CLCN2: variants seen among roughly 807,000 people sequenced by gnomAD.
The protein encoded by CLCN2 is chloride channel protein 2.
A neutral mutation model predicts 108.3 loss-of-function variants in CLCN2; 72 were observed. That is an observed-to-expected ratio of 0.66 (90% CI 0.55 to 0.81). The LOEUF (loss-of-function observed/expected upper bound fraction) is 0.81. Among genes scored for constraint, CLCN2 ranks in the 30% least tolerant of loss-of-function variants. CLCN2 has a pLI of 0.00. For synonymous variants in CLCN2, 471 were observed against 467.1 expected (o/e 1.01, Z -0.11); for missense variants, 1,048 against 1,205.2 (o/e 0.87, Z 1.93).
At chr3:184,356,929 C>G (rs1728594329) in intron 10 of CLCN2, 64 bp downstream of exon 10, 4 of 1,150,768 alleles carry the variant, frequency 3.5e-6, no homozygotes, top group Non-Finnish European at 5.2e-6. Context: ...CATCACTGTC[C>G]CCTGACCTAC....
chr3:184,356,345 A>T (rs9873702), intron 10 of CLCN2: 30,899 of 148,594 alleles, frequency 0.21, 4,356 homozygotes, highest in African/African-American at 0.42. Context: ...TCTGGAGATT[A>T]AAAAAAAAAA....
Position 184,357,072 on chromosome 3 carries a change from C to A in CLCN2, c.1006G>T (p.Ala336Ser). The A allele has an allele frequency of 1.9e-6, 3 of 1,613,722 alleles. No individual in the cohort carries two copies. The highest frequency in any genetic ancestry group is 2.5e-6 in the Non-Finnish European group (3 of 1,179,854). ...TTCCGGTTCAGGTAGACAAAGAGGG[C>A]TCCACCGAAGCCACTAGCAATACTG... Reference protein sequence around the residue: ...VIGIASGFGGALFVYLNRKIV... With the variant: ...VIGIASGFGGSLFVYLNRKIV... Residue 336 changes from alanine to serine, a missense_variant, in exon 10 of 24, where the codon GCC (alanine) becomes TCC (serine). Coordinates refer to ENST00000265593, the MANE Select transcript of CLCN2 (RefSeq NM_004366.6).
intron 19 of CLCN2, 33 bp downstream of exon 19, chr3:184,352,704 A>G: frequency 6.2e-7 from 1 of 1,610,168 alleles, no homozygotes; most frequent in Non-Finnish European, 8.5e-7. Flanking sequence ...CTGGGGAAAA[A>G]GCAAGCTAGG....
At chr3:184,352,912 C>T (rs1192542235) in intron 18 of CLCN2, 102 bp from the exon 19 acceptor site, 1 of 1,544,878 alleles carries the variant, frequency 6.5e-7, no homozygotes, top group Non-Finnish European at 8.9e-7. Context: ...AGTTCCAGCC[C>T]TGGCCCATGT....
intron 4 of CLCN2, 37 bp downstream of exon 4, chr3:184,358,145 G>A (rs1292121179): frequency 6.2e-7 from 1 of 1,614,002 alleles, no homozygotes; most frequent in Non-Finnish European, 8.5e-7. Context: ...CCATTTCAGG[G>A]GTCCCGCCTC....
intron 22 of CLCN2, among the ~76,000 whole-genome samples, chr3:184,350,053 T>A (rs763814110): frequency 6.6e-6 from 1 of 152,262 alleles, no homozygotes; most frequent in Non-Finnish European, 1.5e-5. Flanking sequence ...TGAATTCTAA[T>A]CTTTTATGTT....
intron 22 of CLCN2, 152 bp downstream of exon 22, chr3:184,351,861 A>G: frequency 1.4e-6 from 1 of 733,896 alleles, no homozygotes; most frequent in Non-Finnish European, 2.5e-6. Flanking sequence ...CCCATCATCC[A>G]AGCAGTATGT....
At position 184,348,833 on chromosome 3, in the gene CLCN2, C is replaced by T. The variant is rs187551060; in HGVS notation, c.2416-1812G>A. ...CAAACCACTTGCCCCTGACAGTCACCAAGCCTTACCAATTCACTTCCTAAA... is the reference window on the plus strand; with the variant it reads ...CAAACCACTTGCCCCTGACAGTCACTAAGCCTTACCAATTCACTTCCTAAA... On this transcript the variant is annotated intron_variant, in intron 22 of 23. Coordinates refer to ENST00000265593, the MANE Select transcript of CLCN2 (RefSeq NM_004366.6). 4 of 152,284 alleles carry T rather than the reference C, an allele frequency of 2.6e-5. No homozygotes were observed. The East Asian group carries it at 7.7e-4, about 29-fold the overall frequency. The allele number at this position is 152,284 out of a possible 1,614,324, so 9.4% of individuals were successfully genotyped here.
intron 15 of CLCN2, 116 bp downstream of exon 15, chr3:184,353,985 G>C: frequency 1.5e-6 from 2 of 1,360,516 alleles, no homozygotes; most frequent in Non-Finnish European, 2.0e-6. Flanking sequence ...TGTGGACGAA[G>C]GTGGCTCATC....
intron 22 of CLCN2, among the ~76,000 whole-genome samples, 181 bp downstream of exon 22, chr3:184,351,832 G>C (rs1486092187): frequency 1.3e-5 from 2 of 152,150 alleles, no homozygotes; most frequent in African/African-American, 4.8e-5. Flanking sequence ...CACAGAGCAG[G>C]AGGAGGCTGC....
chr3:184,355,000 G>A (rs754051437), intron 12 of CLCN2, 27 bp from the exon 13 acceptor site: 15 of 1,608,850 alleles, frequency 9.3e-6, no homozygotes, highest in Middle Eastern at 1.7e-4. Flanking sequence ...GTTCAAAGGC[G>A]AAGAGGCTCC....
intron 17 of CLCN2, 32 bp downstream of exon 17, chr3:184,353,218 A>T: frequency 6.2e-7 from 1 of 1,613,584 alleles, no homozygotes. Context: ...ACACAATGAC[A>T]TTTAGGAAGC....
rs1000704403 is a variant in CLCN2, at chr3:184,346,918, G to A, written c.2502+17C>T. 6.2e-7 allele frequency: 1 copy of A among 1,613,128 alleles called. No individual in the cohort carries two copies. Among genetic ancestry groups the A allele is most frequent in the African/African-American group, 1.3e-5 (1 of 75,022 alleles). ...TTTTTGGAAGTGGAGCAGCTTTGGA[G>A]GCCACCATCACCTCACCTCCTTTAG... On this transcript the variant is annotated intron_variant, in intron 23 of 23. Transcript: ENST00000265593. This position sits in a 1 kb window ranked among gnomAD's most constrained non-coding sequence, Gnocchi z 6.0.
rs571967240 is a variant in CLCN2, at chr3:184,354,701, G to A, written c.1397-43C>T. ...GGAAGAGAAAGAGGCAGTGGAGGGG[G>A]AGGGCAGGGGGCACTAGGAAGAGAG... On this transcript the variant is annotated intron_variant, in intron 13 of 23. Transcript: ENST00000265593. The A allele has an allele frequency of 7.0e-5, 95 of 1,357,114 alleles. 1 individual carries two copies. In the South Asian group the frequency reaches 1.1e-3, roughly 16 times the overall value. 84.1% of individuals were successfully genotyped at this position (1,357,114 alleles called of 1,614,324 possible).
chr3:184,356,213 C>G (rs576960530), intron 10 of CLCN2: 16 of 271,720 alleles, frequency 5.9e-5, no homozygotes, highest in Non-Finnish European at 7.2e-6. Context: ...TAAAGTTGAC[C>G]AGAGGTGCGT....
intron 15 of CLCN2, 135 bp from the exon 16 acceptor site, chr3:184,353,930 A>G: frequency 6.9e-7 from 1 of 1,443,820 alleles, no homozygotes; most frequent in South Asian, 1.2e-5. Flanking sequence ...GGGTGCTCCC[A>G]CCCTTCTTTC....
chr3:184,350,345 G>A (rs1309605645), intron 22 of CLCN2, among the ~76,000 whole-genome samples: 1 of 152,078 alleles, frequency 6.6e-6, no homozygotes, highest in Admixed American at 6.5e-5. Context: ...TGACCTCCTC[G>A]CTGCATGCCT....
chr3:184,353,182 C>A, intron 17 of CLCN2, 35 bp from the exon 18 acceptor site: 1 of 1,612,602 alleles, frequency 6.2e-7, no homozygotes, highest in Non-Finnish European at 8.5e-7. Context: ...GAGGCCACGG[C>A]CCCAGACCAC....
At chr3:184,359,272 G>T in intron 1 of CLCN2, 141 bp from the exon 2 acceptor site, 2 of 1,053,726 alleles carry the variant, frequency 1.9e-6, no homozygotes, top group Non-Finnish European at 2.9e-6. Flanking sequence ...ACTCTGGCCC[G>T]AGGTGTGGGA....
Sources: gnomAD v4.1 joint callset for allele counts (sites outside exome capture counted in the v4.1 genomes callset) on GRCh38, gnomAD v4.1.1 for gene constraint, Gnocchi (gnomAD v3.1) non-coding constraint, MANE v1.5 for transcripts, NCBI Gene and HGNC (gene_info 2026-07-23, HGNC 2026-07-21) for gene names.